FTCDNL1: variants seen among roughly 807,000 people sequenced by gnomAD.
FTCDNL1 encodes formiminotransferase cyclodeaminase N-terminal like.
FTCDNL1 carries 11 observed loss-of-function variants against 5.9 expected under a neutral mutation model. The ratio of observed to expected loss-of-function variants is 1.87; its 90% CI spans 1.18 to 3.10. FTCDNL1 has a LOEUF of 3.10. Ranked by LOEUF, FTCDNL1 falls within the 30% of genes most tolerant of loss-of-function variation. The pLI, the probability that FTCDNL1 is intolerant of heterozygous loss-of-function variation, is 0.00. For missense variants in FTCDNL1, 115 were observed against 65.5 expected (o/e 1.76, Z -2.61); for synonymous variants, 58 against 24.8 (o/e 2.34, Z -3.99).
the FTCDNL1 span, among the ~76,000 whole-genome samples, chr2:199,744,926 G>T: frequency 0.011 from 1,697 of 152,302 alleles, 13 homozygotes; most frequent in Non-Finnish European, 0.018. Context: ...CCTCGCAAAG[G>T]CCTCTCCATT....
chr2:199,805,765 A>G (rs868156433), downstream of FTCDNL1, among the ~76,000 whole-genome samples: 2 of 151,936 alleles, frequency 1.3e-5, no homozygotes, highest in South Asian at 2.1e-4. Context: ...TAAAATAAAA[A>G]ATTATTAGCC....
At chr2:199,834,593 T>C (rs914814601) in intron 3 of FTCDNL1, among the ~76,000 whole-genome samples, 6 of 152,170 alleles carry the variant, frequency 3.9e-5, no homozygotes, top group Non-Finnish European at 8.8e-5. Context: ...TGGGTTAGTC[T>C]AATTCTCTGG....
At position 199,837,582 on chromosome 2, in the gene FTCDNL1, G is replaced by A. The variant is rs745681657; in HGVS notation, c.211+8493C>T. Among the ~76,000 whole-genome samples, 67 of 151,976 alleles carry A rather than the reference G, an allele frequency of 4.4e-4. 1 individual carries two copies. The highest frequency in any genetic ancestry group is 9.3e-4 in the Non-Finnish European group (63 of 68,022). ...CCATGTTTTGACAATCTGTAATAAG[G>A]TAATCAAAGGGTCTCAAGACTACCA... On this transcript the variant is annotated intron_variant, in intron 3 of 4. Transcript: ENST00000420128.
the FTCDNL1 span, among the ~76,000 whole-genome samples, chr2:199,731,626 C>A: frequency 6.6e-6 from 1 of 152,178 alleles, no homozygotes; most frequent in Non-Finnish European, 1.5e-5. Context: ...AATCCCCTCA[C>A]GCCTGTAATC....
chr2:199,708,179 T>C, the FTCDNL1 span, among the ~76,000 whole-genome samples: 2 of 152,136 alleles, frequency 1.3e-5, no homozygotes, highest in Non-Finnish European at 2.9e-5. Context: ...AATGTACCAC[T>C]TTTTTATTCT....
downstream of FTCDNL1, among the ~76,000 whole-genome samples, chr2:199,756,208 A>G (rs1698067852): frequency 6.6e-6 from 1 of 152,242 alleles, no homozygotes; most frequent in Non-Finnish European, 1.5e-5. Flanking sequence ...TGGATTTTAA[A>G]GTGGATAGGT....
At chr2:199,821,336 T>A (rs10931879) in intron 3 of FTCDNL1, among the ~76,000 whole-genome samples, 100,814 of 136,798 alleles carry the variant, frequency 0.74, 37,167 homozygotes, top group Middle Eastern at 0.84. Context: ...TTTTTTTTTT[T>A]TTTTTAGTAG....
chr2:199,783,289 A>G (rs1220603608), intron 3 of FTCDNL1, among the ~76,000 whole-genome samples: 2 of 152,218 alleles, frequency 1.3e-5, no homozygotes, highest in Non-Finnish European at 2.9e-5. Context: ...GGCCCTATGT[A>G]GAATATCTAC....
At chr2:199,734,466 G>C in the FTCDNL1 span, among the ~76,000 whole-genome samples, 1 of 152,058 alleles carries the variant, frequency 6.6e-6, no homozygotes, top group Non-Finnish European at 1.5e-5. Context: ...TTGTAGGCAG[G>C]ATATTTGGAG....
chr2:199,803,943 A>G (rs1700595806), intron 3 of FTCDNL1, among the ~76,000 whole-genome samples: 1 of 152,236 alleles, frequency 6.6e-6, no homozygotes, highest in African/African-American at 2.4e-5. Flanking sequence ...GTTGGTACTC[A>G]GTAAAAGATA....
chr2:199,784,292 C>T (rs1436888864), intron 3 of FTCDNL1, among the ~76,000 whole-genome samples: 2 of 152,188 alleles, frequency 1.3e-5, no homozygotes, highest in African/African-American at 4.8e-5. Context: ...TGAGATACTC[C>T]TCCAGCAGGG....
rs567953628 is a variant in FTCDNL1 at position 199,820,661 on chromosome 2, A to G, written c.212-904T>C. 7.8e-4 allele frequency among the ~76,000 whole-genome samples: 119 copies of G among 152,304 alleles called. 2 individuals carry two copies. The South Asian group carries it at 0.023, about 30-fold the overall frequency. On this transcript the variant is annotated intron_variant, in intron 3 of 4. Transcript: ENST00000420128. ...TAAACACAATTGGAGATTACTCTAA[A>G]TGATAGAACATTTTTCATCTTCCTC...
intron 3 of FTCDNL1, among the ~76,000 whole-genome samples, chr2:199,803,732 G>A (rs899594468): frequency 2.6e-5 from 4 of 152,114 alleles, no homozygotes; most frequent in African/African-American, 9.7e-5. Context: ...CTGAATTGCT[G>A]GGATTACAGG....
chr2:199,804,702 T>C (rs1700634339), downstream of FTCDNL1, among the ~76,000 whole-genome samples: 1 of 152,162 alleles, frequency 6.6e-6, no homozygotes, highest in Admixed American at 6.5e-5. Context: ...TTAGGAGCTA[T>C]GTTCACAAAG....
chr2:199,670,652 G>A, the FTCDNL1 span, among the ~76,000 whole-genome samples: 1 of 152,118 alleles, frequency 6.6e-6, no homozygotes, highest in African/African-American at 2.4e-5. Flanking sequence ...GACTTTGTAT[G>A]TATGTATATA....
chr2:199,793,959 A>G (rs372341378), intron 3 of FTCDNL1, among the ~76,000 whole-genome samples: 1 of 152,338 alleles, frequency 6.6e-6, no homozygotes, highest in East Asian at 1.9e-4. Context: ...GGTGGCATAA[A>G]GAGTAAAAGC....
At chr2:199,677,239 A>G in the FTCDNL1 span, among the ~76,000 whole-genome samples, 1 of 152,214 alleles carries the variant, frequency 6.6e-6, no homozygotes, top group African/African-American at 2.4e-5. Flanking sequence ...TAAAATTGAC[A>G]GCTTTCACTT....
chr2:199,760,811 C>T (rs1370288937), exon 4 of FTCDNL1: 1 of 702,242 alleles, frequency 1.4e-6, no homozygotes, highest in Non-Finnish European at 2.6e-6. Flanking sequence ...CAGCACTTGC[C>T]TTTAGGCTTG....
At chr2:199,728,813 A>C in the FTCDNL1 span, among the ~76,000 whole-genome samples, 1 of 152,180 alleles carries the variant, frequency 6.6e-6, no homozygotes, top group African/African-American at 2.4e-5. Context: ...GCCTAAATCA[A>C]AGCCTATGAG....
Sources: allele counts gnomAD v4.1 joint callset (sites outside exome capture counted in the v4.1 genomes callset), GRCh38; gene constraint gnomAD v4.1.1; transcripts MANE v1.5; gene names NCBI Gene and HGNC (gene_info 2026-07-23, HGNC 2026-07-21).